Variants in KANSL1 observed in about 807,000 individuals in gnomAD.
KANSL1 encodes KAT8 regulatory NSL complex subunit 1.
In KANSL1, 22 loss-of-function variants were observed where a neutral mutation model predicts 103.6. The observed-to-expected ratio is 0.21, with a 90% CI of 0.15 to 0.30. The LOEUF (loss-of-function observed/expected upper bound fraction) is 0.30. Ranked by LOEUF, KANSL1 falls within the 10% of genes least tolerant of loss-of-function variation. KANSL1 has a pLI of 1.00. For synonymous variants in KANSL1, 600 were observed against 527.6 expected, an observed-to-expected ratio of 1.14 and a Z score of -1.88; for missense variants, 1,337 against 1,399.8, an observed-to-expected ratio of 0.96 and a Z score of 0.72.
chr17:46,100,906 C>T (rs17576779), intron 2 of KANSL1, among the ~76,000 whole-genome samples: 21,691 of 152,018 alleles, frequency 0.14, 2,125 homozygotes, highest in Non-Finnish European at 0.22. Flanking sequence ...AGTCCCATCT[C>T]GATTCTTTCC....
At chr17:46,170,229 T>A (rs1412343288) in intron 2 of KANSL1, 4 of 149,702 alleles carry the variant, frequency 2.7e-5, no homozygotes, top group Non-Finnish European at 5.9e-5. Flanking sequence ...TTAACTCAGC[T>A]TAACAAATCT....
intron 7 of KANSL1, 89 bp from the exon 8 acceptor site, chr17:46,039,973 C>A: frequency 8.0e-7 from 1 of 1,242,956 alleles, no homozygotes; most frequent in South Asian, 1.4e-5. Context: ...TTTAATTTGC[C>A]CAGTGGCCTG....
intron 13 of KANSL1, 141 bp from the exon 14 acceptor site, chr17:46,032,440 T>G: frequency 1.6e-6 from 1 of 637,320 alleles, no homozygotes; most frequent in Non-Finnish European, 2.6e-6. Context: ...CAACTCCCAT[T>G]TCTTCCCACT....
At chr17:46,089,877 T>C (rs2079316237) in intron 3 of KANSL1, among the ~76,000 whole-genome samples, 1 of 152,234 alleles carries the variant, frequency 6.6e-6, no homozygotes, top group Non-Finnish European at 1.5e-5. Context: ...AAAACTTCTA[T>C]TAATTATAGT....
At position 46,117,884 on chromosome 17, in the gene KANSL1, A is replaced by G. The variant is rs74998845; in HGVS notation, c.1290-23183T>C. On this transcript the variant is annotated intron_variant, in intron 2 of 14. Coordinates refer to ENST00000432791, the MANE Select transcript of KANSL1 (RefSeq NM_015443.4). ...AAATACAAAAGAAATACACTACTAAATCAACCAAATAAAATAATCCAAGAA... is the reference window on the plus strand; with the variant it reads ...AAATACAAAAGAAATACACTACTAAGTCAACCAAATAAAATAATCCAAGAA... Among the ~76,000 whole-genome samples, 70 of 152,366 alleles carry G rather than the reference A, an allele frequency of 4.6e-4. 2 individuals carry two copies. In the East Asian group the frequency reaches 9.6e-3, roughly 21 times the overall value.
In KANSL1 at chr17:46,171,328, G is replaced by A. The variant is rs775595953; in HGVS notation, c.816C>T (p.Ser272=). The change falls in exon 2 of 15, where the codon TCC becomes TCT. Residue 272 remains serine, a synonymous_variant. Transcript: ENST00000432791. ...KLEGKKSPLS[S]ILFSALDSDT... is the part of the protein sequence containing the mutation. ...CAGAATCTAAAGCACTGAAAAGAATGGAAGACAGGGGAGACTTTTTACCCT... is the reference window on the plus strand; with the variant it reads ...CAGAATCTAAAGCACTGAAAAGAATAGAAGACAGGGGAGACTTTTTACCCT... The A allele has an allele frequency of 1.2e-6, 2 of 1,614,136 alleles. No individual in the cohort carries two copies. Among genetic ancestry groups the A allele is most frequent in the Non-Finnish European group, 1.7e-6 (2 of 1,180,044 alleles).
At chr17:46,191,107 A>C (rs1230867296) in intron 1 of KANSL1, among the ~76,000 whole-genome samples, 1 of 152,234 alleles carries the variant, frequency 6.6e-6, no homozygotes, top group Non-Finnish European at 1.5e-5. Context: ...TGTAGAAAAA[A>C]CCAGAAATGT....
chr17:46,214,777 G>A (rs987028380), intron 1 of KANSL1, among the ~76,000 whole-genome samples: 9 of 152,214 alleles, frequency 5.9e-5, no homozygotes, highest in Admixed American at 3.9e-4. Flanking sequence ...CAGTACAATA[G>A]AAGTGCTAGG....
At chr17:46,076,419 C>T (rs1168773623) in intron 4 of KANSL1, among the ~76,000 whole-genome samples, 4 of 151,318 alleles carry the variant, frequency 2.6e-5, no homozygotes, top group Admixed American at 6.6e-5. Context: ...TCACTTGAAC[C>T]CAGGAGGTGG....
chr17:46,055,183 G>A (rs1206925470), intron 6 of KANSL1, among the ~76,000 whole-genome samples: 1 of 151,028 alleles, frequency 6.6e-6, no homozygotes, highest in Non-Finnish European at 1.5e-5. Context: ...CAAGTGAAAG[G>A]CCAGGCGCGG....
intron 6 of KANSL1, among the ~76,000 whole-genome samples, chr17:46,056,577 A>G (rs996425025): frequency 9.8e-5 from 15 of 152,300 alleles, no homozygotes; most frequent in Admixed American, 9.2e-4. Context: ...AACCGTAAGT[A>G]TAGCTACTGA....
At chr17:46,212,645 G>A (rs1406582990) in intron 1 of KANSL1, among the ~76,000 whole-genome samples, 2 of 152,158 alleles carry the variant, frequency 1.3e-5, no homozygotes, top group Non-Finnish European at 2.9e-5. Flanking sequence ...TATGAATAAT[G>A]TTACAATGAA....
At chr17:46,038,871 AG>A (rs1731982947) in intron 9 of KANSL1, 155 bp downstream of exon 9, 14 of 1,137,394 alleles carry the variant, frequency 1.2e-5, no homozygotes, top group Non-Finnish European at 1.8e-5. Context: ...GTAGCAGTTA[AG>A]AAGTGACCTC....
At chr17:46,200,038 T>TACACACACACACACACACACACACAC (rs143234563) in intron 1 of KANSL1, among the ~76,000 whole-genome samples, 1 of 147,376 alleles carries the variant, frequency 6.8e-6, no homozygotes, top group Non-Finnish European at 1.5e-5. Flanking sequence ...TCAATGAGTT[T>TACACACACACACACACACACACACAC]ACACACACAC....
chr17:46,222,141 C>T (rs2048550791), intron 1 of KANSL1: 1 of 149,656 alleles, frequency 6.7e-6, no homozygotes, highest in African/African-American at 2.4e-5. Flanking sequence ...TAAGTAGTAA[C>T]AGGTGGTAAC....
chr17:46,190,644 T>C (rs976911138), intron 1 of KANSL1, among the ~76,000 whole-genome samples: 1 of 152,232 alleles, frequency 6.6e-6, no homozygotes, highest in Non-Finnish European at 1.5e-5. Context: ...ATCTTCACCA[T>C]AATATAGACA....
chr17:46,125,090 G>C (rs2043486704), intron 2 of KANSL1, among the ~76,000 whole-genome samples: 1 of 69,850 alleles, frequency 1.4e-5, no homozygotes, highest in Non-Finnish European at 3.1e-5. Flanking sequence ...GGGAGAGAGG[G>C]AGGGAGGGAG....
chr17:46,083,146 A>C (rs1243123745), intron 3 of KANSL1, among the ~76,000 whole-genome samples: 2 of 152,214 alleles, frequency 1.3e-5, no homozygotes, highest in East Asian at 3.8e-4. Flanking sequence ...TCATTCCAGG[A>C]AACAATTTAC....
chr17:46,105,804 A>C (rs2042509488), intron 2 of KANSL1, among the ~76,000 whole-genome samples: 1 of 151,272 alleles, frequency 6.6e-6, no homozygotes, highest in African/African-American at 2.4e-5. Flanking sequence ...CTGGGAGGTC[A>C]AGGCTGCAGT....
Sources: gnomAD v4.1 joint callset for allele counts (sites outside exome capture counted in the v4.1 genomes callset) on GRCh38, gnomAD v4.1.1 for gene constraint, MANE v1.5 for transcripts, NCBI Gene and HGNC (gene_info 2026-07-23, HGNC 2026-07-21) for gene names.